The following KDM2A variants were observed in gnomAD, a reference collection of about 807,000 sequenced individuals.
The protein encoded by KDM2A is lysine demethylase 2A, also known as lysine-specific demethylase 2A.
KDM2A carries 3 observed loss-of-function variants against 137.3 expected under a neutral mutation model. The ratio of observed to expected loss-of-function variants is 0.02; its 90% CI spans 0.01 to 0.06. KDM2A has a LOEUF of 0.06. Among genes scored for constraint, KDM2A ranks in the 10% least tolerant of loss-of-function variants. The pLI is 1.00. For synonymous variants in KDM2A, 512 were observed against 541.5 expected (o/e 0.95, Z 0.76); for missense variants, 738 against 1,510.6 (o/e 0.49, Z 8.48).
At chr11:67,190,136 G>A (rs375774422) in intron 5 of KDM2A, among the ~76,000 whole-genome samples, 8 of 152,122 alleles carry the variant, frequency 5.3e-5, no homozygotes, top group African/African-American at 9.7e-5. Context: ...AGGGCCGAGC[G>A]CGGTGGCTGA....
rs1383927447 is a variant in KDM2A, at chr11:67,250,249, C to A, written c.2219C>A (p.Ser740Tyr). Residue 740 changes from serine to tyrosine, a missense_variant, in exon 17 of 21, where the codon TCC (serine) becomes TAC (tyrosine). Around this residue, in one of 9 missense-constraint regions of KDM2A, gnomAD observed 244 missense variants for 324.6 expected, o/e 0.75. Transcript: ENST00000529006. The surrounding 1 kb of genome is among the most constrained non-coding windows in gnomAD (Gnocchi z 7.1). ...CCCCGGGGTATGGTGACTCGGTCATCCCCTGGGGCTGGCCCCAGCGACCAC... is the reference window on the plus strand; with the variant it reads ...CCCCGGGGTATGGTGACTCGGTCATACCCTGGGGCTGGCCCCAGCGACCAC... ...VSPRGMVTRS[S>Y]PGAGPSDHHS... 8.7e-6 allele frequency: 14 copies of A among 1,613,756 alleles called. No individual in the cohort carries two copies. Among genetic ancestry groups the A allele is most frequent in the Non-Finnish European group, 1.2e-5 (14 of 1,179,874 alleles).
chr11:67,163,693 T>A (rs1312111066), intron 2 of KDM2A, among the ~76,000 whole-genome samples: 2 of 151,970 alleles, frequency 1.3e-5, no homozygotes, highest in African/African-American at 4.8e-5. Context: ...CCGTGTCTAC[T>A]AAAAATACAA....
intron 11 of KDM2A, among the ~76,000 whole-genome samples, chr11:67,230,028 T>A (rs914162142): frequency 6.6e-6 from 1 of 151,642 alleles, no homozygotes; most frequent in Non-Finnish European, 1.5e-5. Context: ...TACAAAAAAT[T>A]AGCTAGACGT....
At chr11:67,194,651 A>G (rs547542686) in intron 5 of KDM2A, among the ~76,000 whole-genome samples, 1 of 152,374 alleles carries the variant, frequency 6.6e-6, no homozygotes, top group Non-Finnish European at 1.5e-5. Flanking sequence ...GAGGGCTCTC[A>G]GTGCTGCTTA....
At chr11:67,170,087 A>T (rs1349330535) in intron 2 of KDM2A, among the ~76,000 whole-genome samples, 2 of 152,030 alleles carry the variant, frequency 1.3e-5, no homozygotes, top group African/African-American at 4.8e-5. Flanking sequence ...GTCTATAATA[A>T]ATTATAACTA....
Position 67,228,150 on chromosome 11 carries a change from G to C in KDM2A, c.1071G>C (p.Glu357Asp). The part of the protein sequence containing the change: ...RSHLTKEFQK[E>D]SLSMDLELNG... ...ACCTAACTAAGGAATTTCAGAAAGA[G>C]TCCCTCAGCATGGGTAAGTATTCTG... The change falls in exon 11 of 21, where the codon GAG (glutamate) becomes GAC (aspartate). Residue 357 changes from glutamate (E) to aspartate (D), a missense_variant. Physicochemically the swap from Glu to Asp is conservative, Grantham distance 45 (BLOSUM62 2). This residue lies in a region of KDM2A where 113 missense variants were observed against 133.5 expected (regional missense o/e 0.85). Transcript: ENST00000529006. 1.2e-6 allele frequency: 2 copies of C among 1,613,914 alleles called. No individual in the cohort carries two copies. Among genetic ancestry groups the C allele is most frequent in the Non-Finnish European group, 1.7e-6 (2 of 1,179,834 alleles).
chr11:67,165,413 C>T (rs1856717402), intron 2 of KDM2A, among the ~76,000 whole-genome samples: 1 of 152,156 alleles, frequency 6.6e-6, no homozygotes, highest in African/African-American at 2.4e-5. Flanking sequence ...TGAGCCACCG[C>T]ACCCAGCTTA....
At chr11:67,180,016 G>T in intron 2 of KDM2A, 63 bp from the exon 3 acceptor site, 2 of 1,525,098 alleles carry the variant, frequency 1.3e-6, no homozygotes, top group South Asian at 1.3e-5. Context: ...GGAAATCTAT[G>T]ACCACTTGTA....
chr11:67,254,571 T>C lies in KDM2A; in HGVS notation c.3307+153T>C. On this transcript the variant is annotated intron_variant, in intron 20 of 20. Transcript: ENST00000529006. The surrounding 1 kb of genome is among the most constrained non-coding windows in gnomAD (Gnocchi z 4.7). Reference sequence around the variant, plus strand: ...GGACAAGGACATGGATTTCTATCCCTTTTTTAACTGATGGGGGACTGAGGC... The same window carrying C: ...GGACAAGGACATGGATTTCTATCCCCTTTTTAACTGATGGGGGACTGAGGC... 1 of 712,160 alleles carries C rather than the reference T, an allele frequency of 1.4e-6. No homozygotes were observed. The highest frequency in any genetic ancestry group is 2.7e-5 in the East Asian group (1 of 37,358). 44.1% of individuals were successfully genotyped at this position (712,160 alleles called of 1,614,324 possible).
At chr11:67,207,813 T>A in intron 6 of KDM2A, 125 bp downstream of exon 6, 1 of 652,960 alleles carries the variant, frequency 1.5e-6, no homozygotes, top group East Asian at 3.0e-5. Context: ...TCGCTTGAGC[T>A]GAGGAGTTTG....
rs1210506100 is a variant in KDM2A, at chr11:67,204,693, G to A, written c.308-2817G>A. 5.3e-5 allele frequency among the ~76,000 whole-genome samples: 8 copies of A among 151,786 alleles called. No homozygotes were observed. The East Asian group carries it at 1.2e-3, about 22-fold the overall frequency. On this transcript the variant is annotated intron_variant, in intron 5 of 20. Transcript: ENST00000529006. ...TTTTTAGTAGAGATGGGGTTTCACC[G>A]TGATAGCCAGGATGGTCTTGATCTC...
intron 15 of KDM2A, 67 bp from the exon 16 acceptor site, chr11:67,248,214 C>G (rs1021351527): frequency 8.6e-7 from 1 of 1,160,010 alleles, no homozygotes; most frequent in Non-Finnish European, 1.3e-6. Flanking sequence ...CTCTTCCCAA[C>G]TGTGTTATTG....
chr11:67,125,422 CT>C (rs1855697718), intron 2 of KDM2A, among the ~76,000 whole-genome samples: 1 of 151,828 alleles, frequency 6.6e-6, no homozygotes, highest in African/African-American at 2.4e-5. Context: ...CTCAAACGAT[CT>C]GCCCGCCTTG....
At chr11:67,173,855 A>G (rs926979382) in intron 2 of KDM2A, among the ~76,000 whole-genome samples, 1 of 151,768 alleles carries the variant, frequency 6.6e-6, no homozygotes, top group African/African-American at 2.4e-5. Flanking sequence ...ACAGGCGCAC[A>G]TTACCATGCT....
chr11:67,147,781 G>A (rs867749246), intron 2 of KDM2A, among the ~76,000 whole-genome samples: 2 of 151,414 alleles, frequency 1.3e-5, no homozygotes, highest in Non-Finnish European at 2.9e-5. Flanking sequence ...GGGTTCAAGC[G>A]ATTCTCCAGC....
intron 2 of KDM2A, among the ~76,000 whole-genome samples, chr11:67,156,387 A>T (rs1340080538): frequency 6.6e-6 from 1 of 152,074 alleles, no homozygotes; most frequent in African/African-American, 2.4e-5. Flanking sequence ...GATCAAGACC[A>T]TCCTGGCCAA....
intron 2 of KDM2A, among the ~76,000 whole-genome samples, chr11:67,133,271 G>A (rs1463501856): frequency 6.6e-6 from 1 of 151,492 alleles, no homozygotes; most frequent in Non-Finnish European, 1.5e-5. Context: ...CGCTAATTTT[G>A]TGTTTTTTTT....
intron 9 of KDM2A, among the ~76,000 whole-genome samples, chr11:67,219,042 G>A (rs769536508): frequency 1.3e-5 from 2 of 152,190 alleles, no homozygotes; most frequent in Non-Finnish European, 2.9e-5. Flanking sequence ...TCCAGTAAAC[G>A]TTTATTATGT....
intron 2 of KDM2A, among the ~76,000 whole-genome samples, chr11:67,154,136 A>AT (rs1590729228): frequency 6.6e-6 from 1 of 152,202 alleles, no homozygotes; most frequent in Admixed American, 6.5e-5. Context: ...TATGCATTAT[A>AT]TTTGACTGTT....
Sources: allele counts gnomAD v4.1 joint callset (sites outside exome capture counted in the v4.1 genomes callset), GRCh38; gene constraint gnomAD v4.1.1; regional missense constraint gnomAD v4.1.1; non-coding constraint Gnocchi (gnomAD v3.1); transcripts MANE v1.5; gene names NCBI Gene and HGNC (gene_info 2026-07-23, HGNC 2026-07-21).